Variants in POLR1A observed in about 807,000 individuals in gnomAD.
POLR1A encodes RNA polymerase I subunit A, also known as DNA-directed RNA polymerase I subunit RPA1.
POLR1A carries 84 observed loss-of-function variants against 205.3 expected under a neutral mutation model. The observed-to-expected ratio is 0.41, with a 90% CI of 0.34 to 0.49. The LOEUF is 0.49. Ranked by LOEUF, POLR1A falls within the 20% of genes least tolerant of loss-of-function variation. The pLI is 0.22. For synonymous variants in POLR1A, 799 were observed against 863.7 expected (o/e 0.93, Z 1.31); for missense variants, 1,645 against 2,204.5 (o/e 0.75, Z 5.08).
chr2:86,040,511 C>A lies in POLR1A; in HGVS notation c.3621G>T (p.Pro1207=). The change falls in exon 25 of 34, where the codon CCG becomes CCT. Residue 1207 remains proline (P), a synonymous_variant. Transcript: ENST00000263857. ...QLKWQRSLCE[P]GEAVGLLAAQ... is the part of the protein sequence containing the mutation. The stretch of plus-strand genomic sequence containing the variant: ...CAGCCAGCAGGCCCACAGCCTCGCC[C>A]GGCTCACACAGTGAGCGCTGCCACT... 1 of 1,609,388 alleles carries A rather than the reference C, an allele frequency of 6.2e-7. No homozygotes were observed. The highest frequency in any genetic ancestry group is 8.5e-7 in the Non-Finnish European group (1 of 1,177,870).
chr2:86,084,568 T>C (rs977503723), intron 6 of POLR1A, among the ~76,000 whole-genome samples: 1 of 152,106 alleles, frequency 6.6e-6, no homozygotes, highest in African/African-American at 2.4e-5. Context: ...CTTGACAGGG[T>C]GTCTAGCTCA....
rs554499181 is a variant in POLR1A, at chr2:86,041,362, T to C, written c.3572+527A>G. Reference sequence around the variant, plus strand: ...CCCAAAGCTCAAAGGTGTGTGTGTGTGTGCGCGCGCGCGCTGAGCTACAGT... The same window carrying C: ...CCCAAAGCTCAAAGGTGTGTGTGTGCGTGCGCGCGCGCGCTGAGCTACAGT... On this transcript the variant is annotated intron_variant, in intron 24 of 33. Coordinates refer to ENST00000263857, the MANE Select transcript of POLR1A (RefSeq NM_015425.6). Among the ~76,000 whole-genome samples, 35 of 150,326 alleles carry C rather than the reference T, an allele frequency of 2.3e-4. No homozygotes were observed. In the East Asian group the frequency reaches 4.6e-3, roughly 20 times the overall value.
chr2:86,050,076 C>A (rs1401039714), intron 16 of POLR1A, among the ~76,000 whole-genome samples: 2 of 152,082 alleles, frequency 1.3e-5, no homozygotes, highest in African/African-American at 4.8e-5. Context: ...CGCCACCACA[C>A]CCAGCTAATT....
intron 1 of POLR1A, among the ~76,000 whole-genome samples, chr2:86,104,386 C>G (rs1267104767): frequency 6.6e-6 from 1 of 151,212 alleles, no homozygotes; most frequent in Admixed American, 6.6e-5. Flanking sequence ...CTATTTTGCA[C>G]TACGTACACC....
At chr2:86,057,827 G>T (rs1266309405) in intron 14 of POLR1A, among the ~76,000 whole-genome samples, 1 of 152,200 alleles carries the variant, frequency 6.6e-6, no homozygotes, top group Non-Finnish European at 1.5e-5. Context: ...TACCTATTAG[G>T]TACATGTCAT....
chr2:86,034,922 G>A lies in POLR1A; in HGVS notation c.4035-1135C>T, dbSNP rs1349535779. On this transcript the variant is annotated intron_variant, in intron 27 of 33. Transcript: ENST00000263857. Reference sequence around the variant, plus strand: ...GAGTCTCTCTATCCCCCAGGCTGGAGTGCAGTGGTGCGACCTCGGCTCACT... The same window carrying A: ...GAGTCTCTCTATCCCCCAGGCTGGAATGCAGTGGTGCGACCTCGGCTCACT... 3.3e-5 allele frequency among the ~76,000 whole-genome samples: 5 copies of A among 152,120 alleles called. No homozygotes were observed. The South Asian group carries it at 6.2e-4, about 19-fold the overall frequency.
rs371367011 is a variant in POLR1A at position 86,041,915 on chromosome 2, A to C, written c.3546T>G (p.Tyr1182Ter). The change falls in exon 24 of 34, where the codon TAT becomes TAG. Residue 1182 changes from tyrosine to a stop codon, truncating the protein, a stop_gained. Coordinates refer to ENST00000263857, the MANE Select transcript of POLR1A (RefSeq NM_015425.6). LOFTEE classifies it high-confidence loss of function. The stretch of plus-strand genomic sequence containing the variant: ...TGTCGAGAGAAAGCTCTGATTTCTC[A>C]TAACTCTTCTCTGTTTGAGCTGCCC... ...QEWAAQTEKS[Y>*]EKSELSLDRL... The C allele has an allele frequency of 6.2e-7, 1 of 1,614,082 alleles. No individual in the cohort carries two copies. Among genetic ancestry groups the C allele is most frequent in the Non-Finnish European group, 8.5e-7 (1 of 1,179,888 alleles).
chr2:86,024,315 C>T lies in POLR1A; in HGVS notation c.*3108G>A, dbSNP rs116882712. 6 of 173,338 alleles carry T rather than the reference C, an allele frequency of 3.5e-5. No homozygotes were observed. The highest frequency in any genetic ancestry group is 1.7e-4 in the East Asian group (1 of 5,916). 10.7% of individuals were successfully genotyped at this position (173,338 alleles called of 1,614,324 possible). A position where few individuals can be genotyped will look rare whatever the true frequency, so the allele number is the denominator to read the frequency against. On this transcript the variant is annotated 3_prime_UTR_variant, in exon 34 of 34. Transcript: ENST00000263857. Reference sequence around the variant, plus strand: ...ATGAGGGACCTAGAGAAGTCAAATTCGTAGAGACAGAACGTAGAACAGTGG... The same window carrying T: ...ATGAGGGACCTAGAGAAGTCAAATTTGTAGAGACAGAACGTAGAACAGTGG...
chr2:86,042,130 T>A (rs760282975), intron 23 of POLR1A, 27 bp from the exon 24 acceptor site: 1 of 1,512,390 alleles, frequency 6.6e-7, no homozygotes, highest in South Asian at 1.1e-5. Context: ...GTCTCAGCTA[T>A]GTGGGAGGGA....
In POLR1A at chr2:86,070,082, C is replaced by T. The variant is rs768599433; in HGVS notation, c.1802G>A (p.Ser601Asn). Residue 601 changes from serine (S) to asparagine (N), a missense_variant, in exon 13 of 34, where the codon AGT becomes AAT. Around this residue, in one of 16 missense-constraint regions of POLR1A, gnomAD observed 24 missense variants for 52.1 expected, o/e 0.46. Coordinates refer to ENST00000263857, the MANE Select transcript of POLR1A (RefSeq NM_015425.6). The surrounding 1 kb of genome is among the most constrained non-coding windows in gnomAD (Gnocchi z 4.4). ...GDEMNAHFPQ[S>N]ELGRAEAYVL... Reference sequence around the variant, plus strand: ...GTAGGCCTCGGCCCGGCCCAGCTCACTCTGGGGGAAATGGGCATTCATCTC... The same window carrying T: ...GTAGGCCTCGGCCCGGCCCAGCTCATTCTGGGGGAAATGGGCATTCATCTC... 3 of 1,614,078 alleles carry T rather than the reference C, an allele frequency of 1.9e-6. No homozygotes were observed. The highest frequency in any genetic ancestry group is 2.5e-6 in the Non-Finnish European group (3 of 1,180,030).
chr2:86,034,651 C>T (rs1249575941), intron 27 of POLR1A, among the ~76,000 whole-genome samples: 1 of 152,096 alleles, frequency 6.6e-6, no homozygotes, highest in East Asian at 1.9e-4. Flanking sequence ...CTGTGAGAAT[C>T]GGGTCCCTCA....
chr2:86,097,203 T>TCCCCAAAA (rs1177824842), intron 3 of POLR1A, among the ~76,000 whole-genome samples: 5 of 38,982 alleles, frequency 1.3e-4, no homozygotes, highest in African/African-American at 4.0e-4. Context: ...AGGATGGCTA[T>TCCCCAAAA]CCCCAAAAGA....
intron 23 of POLR1A, 30 bp downstream of exon 23, chr2:86,042,944 G>C: frequency 6.6e-7 from 1 of 1,514,858 alleles, no homozygotes; most frequent in Non-Finnish European, 9.2e-7. Flanking sequence ...GGACGTGCTG[G>C]ACATTAAGGA....
At chr2:86,061,058 T>A (rs1196525815) in intron 14 of POLR1A, among the ~76,000 whole-genome samples, 2 of 152,152 alleles carry the variant, frequency 1.3e-5, no homozygotes, top group Non-Finnish European at 2.9e-5. Flanking sequence ...GTGCTCAACC[T>A]CTCTTGTCAT....
chr2:86,075,801 CCCAG>C (rs1168647796), intron 11 of POLR1A, among the ~76,000 whole-genome samples: 1 of 152,220 alleles, frequency 6.6e-6, no homozygotes, highest in Non-Finnish European at 1.5e-5. Context: ...AGCCACCGCG[CCCAG>C]CCAATTTTTT....
chr2:86,058,139 C>T (rs1352557302), intron 14 of POLR1A, among the ~76,000 whole-genome samples: 3 of 152,168 alleles, frequency 2.0e-5, no homozygotes, highest in Non-Finnish European at 2.9e-5. Flanking sequence ...CTCGCTCTGT[C>T]GCCCAGGCTG....
At chr2:86,067,097 C>G (rs1011421074) in intron 13 of POLR1A, among the ~76,000 whole-genome samples, 2 of 152,172 alleles carry the variant, frequency 1.3e-5, no homozygotes, top group African/African-American at 4.8e-5. Flanking sequence ...TAGACAATTA[C>G]TTTGATGGCT....
intron 7 of POLR1A, among the ~76,000 whole-genome samples, chr2:86,081,960 T>C (rs1167877650): frequency 6.6e-6 from 1 of 152,040 alleles, no homozygotes; most frequent in Non-Finnish European, 1.5e-5. Flanking sequence ...GCCTTCCAAG[T>C]AGTTGGGACT....
intron 19 of POLR1A, among the ~76,000 whole-genome samples, 155 bp from the exon 20 acceptor site, chr2:86,045,924 C>A (rs79218234): frequency 0.012 from 1,880 of 152,206 alleles, 49 homozygotes; most frequent in African/African-American, 0.043. Flanking sequence ...AACCAGGAAG[C>A]CTTCATTTTA....
Sources: gnomAD v4.1 joint callset for allele counts (sites outside exome capture counted in the v4.1 genomes callset) on GRCh38, gnomAD v4.1.1 for gene constraint, gnomAD v4.1.1 regional missense constraint, Gnocchi (gnomAD v3.1) non-coding constraint, MANE v1.5 for transcripts, NCBI Gene and HGNC (gene_info 2026-07-23, HGNC 2026-07-21) for gene names.